Variants in TANC2 observed in about 807,000 individuals in gnomAD.
The protein encoded by TANC2 is tetratricopeptide repeat, ankyrin repeat and coiled-coil containing 2, also known as protein TANC2.
TANC2 carries 26 observed loss-of-function variants against 210.5 expected under a neutral mutation model. The observed-to-expected ratio is 0.12, with a 90% CI of 0.09 to 0.17. The LOEUF (loss-of-function observed/expected upper bound fraction) is 0.17. Among genes scored for constraint, TANC2 ranks in the 10% least tolerant of loss-of-function variants. The pLI is 1.00. For synonymous variants in TANC2, 931 were observed against 967.1 expected (o/e 0.96, Z 0.69); for missense variants, 2,129 against 2,608.9 (o/e 0.82, Z 4.01).
intron 14 of TANC2, among the ~76,000 whole-genome samples, chr17:63,363,740 C>T (rs2047031085): frequency 6.6e-6 from 1 of 152,150 alleles, no homozygotes; most frequent in Non-Finnish European, 1.5e-5. Context: ...TATACCAGTA[C>T]CATGCCGTTT....
At chr17:63,382,020 G>A (rs1390825968) in intron 15 of TANC2, among the ~76,000 whole-genome samples, 1 of 152,122 alleles carries the variant, frequency 6.6e-6, no homozygotes, top group East Asian at 1.9e-4. Flanking sequence ...GCTGGTAATG[G>A]GATCACACTT....
At chr17:63,368,841 A>T (rs1464781142) in intron 14 of TANC2, among the ~76,000 whole-genome samples, 1 of 152,246 alleles carries the variant, frequency 6.6e-6, no homozygotes, top group Non-Finnish European at 1.5e-5. Context: ...ATGTTGGTTG[A>T]CACTGGAAAA....
At chr17:63,389,675 G>A (rs2047901001) in intron 17 of TANC2, 131 bp downstream of exon 17, 12 of 903,058 alleles carry the variant, frequency 1.3e-5, no homozygotes, top group Non-Finnish European at 1.7e-5. Flanking sequence ...GGAGATCAGA[G>A]AGAGTGCTGG....
intron 5 of TANC2, among the ~76,000 whole-genome samples, chr17:63,193,633 T>G (rs2041254310): frequency 6.6e-6 from 1 of 152,190 alleles, no homozygotes; most frequent in African/African-American, 2.4e-5. Context: ...TCTGTGCTAC[T>G]GTGGATTGTT....
At chr17:63,360,791 A>G (rs1487021253) in intron 14 of TANC2, among the ~76,000 whole-genome samples, 2 of 151,818 alleles carry the variant, frequency 1.3e-5, no homozygotes, top group South Asian at 2.1e-4. Context: ...ACCCCTCCCC[A>G]GTCCTGACTA....
At chr17:63,056,367 A>G (rs1425691682) in intron 2 of TANC2, among the ~76,000 whole-genome samples, 1 of 151,884 alleles carries the variant, frequency 6.6e-6, no homozygotes, top group Non-Finnish European at 1.5e-5. Context: ...ACTGTAATGT[A>G]TTTCTGATTC....
chr17:63,265,083 T>TG (rs1216411679), intron 8 of TANC2, among the ~76,000 whole-genome samples: 1 of 152,214 alleles, frequency 6.6e-6, no homozygotes, highest in Non-Finnish European at 1.5e-5. Context: ...TTCTGAGCTC[T>TG]GTGTAGTCCT....
intron 4 of TANC2, among the ~76,000 whole-genome samples, chr17:63,147,799 T>C (rs1242950470): frequency 6.6e-6 from 1 of 152,226 alleles, no homozygotes; most frequent in African/African-American, 2.4e-5. Flanking sequence ...TATTGTATTT[T>C]CTTCAACATG....
rs573357288 is a variant in TANC2 at position 63,271,379 on chromosome 17, T to C, written c.1159+3506T>C. Among the ~76,000 whole-genome samples the C allele has an allele frequency of 2.0e-5, 3 of 152,178 alleles. No homozygotes were observed. The East Asian group carries it at 5.8e-4, about 29-fold the overall frequency. ...CCTTTCAGACTGTTATGAGACGGTA[T>C]CTCACTGTGCTTTTGATTTGCATTT... On this transcript the variant is annotated intron_variant, in intron 9 of 27. Coordinates refer to ENST00000689528, the Ensembl canonical transcript of TANC2.
intron 9 of TANC2, among the ~76,000 whole-genome samples, chr17:63,272,200 TA>T (rs2043731809): frequency 6.6e-6 from 1 of 152,182 alleles, no homozygotes; most frequent in Admixed American, 6.5e-5. Context: ...CAGCACCACT[TA>T]TTAAATAGGG....
intron 9 of TANC2, among the ~76,000 whole-genome samples, chr17:63,284,079 T>C (rs555051508): frequency 1.3e-5 from 2 of 152,172 alleles, no homozygotes; most frequent in Admixed American, 6.6e-5. Flanking sequence ...CCATTAGCTA[T>C]GTCAATATGT....
chr17:63,375,745 A>C (rs948962653), intron 14 of TANC2, among the ~76,000 whole-genome samples: 2 of 152,114 alleles, frequency 1.3e-5, no homozygotes, highest in African/African-American at 4.8e-5. Context: ...GGTCTGTTAA[A>C]ATAACTTACT....
chr17:63,411,926 G>T, intron 22 of TANC2, 72 bp from the exon 23 acceptor site: 1 of 1,579,478 alleles, frequency 6.3e-7, no homozygotes, highest in Non-Finnish European at 8.6e-7. Context: ...GCAGGCAGCA[G>T]CCAGAGCCCT....
chr17:63,184,598 A>G (rs1019111714), intron 5 of TANC2, among the ~76,000 whole-genome samples: 1 of 151,782 alleles, frequency 6.6e-6, no homozygotes, highest in South Asian at 2.1e-4. Context: ...GCCATCATCA[A>G]TTATTTGTTT....
chr17:62,972,906 G>C (rs1158112292), intron 1 of TANC2, among the ~76,000 whole-genome samples: 1 of 152,050 alleles, frequency 6.6e-6, no homozygotes, highest in Non-Finnish European at 1.5e-5. Context: ...CTGCTTCACA[G>C]CCATCATGCG....
In TANC2 at chr17:63,421,938, G is replaced by A. The variant is rs755143983; in HGVS notation, c.6208G>A (p.Val2070Met). The A allele has an allele frequency of 3.7e-6, 6 of 1,609,876 alleles. No homozygotes were observed. Among genetic ancestry groups the A allele is most frequent in the Admixed American group, 3.4e-5 (2 of 59,412 alleles). Residue 2070 changes from valine to methionine, a missense_variant, in exon 28 of 28, where the codon GTG becomes ATG. Transcript: ENST00000689528. The surrounding 1 kb of genome is among the most constrained non-coding windows in gnomAD (Gnocchi z 6.9). ...CCCTATCAAACCAAAGAGACCGTTC[G>A]TGGAGTCTAATGTTTAAAAGACGTT...
At chr17:63,323,040 T>C (rs2045545207) in intron 11 of TANC2, among the ~76,000 whole-genome samples, 1 of 152,246 alleles carries the variant, frequency 6.6e-6, no homozygotes. Context: ...TCCCAGTTAT[T>C]GTGCTACGTG....
chr17:63,423,496 CAAAG>C (rs2049073749), exon 28 of TANC2: 1 of 152,214 alleles, frequency 6.6e-6, no homozygotes, highest in African/African-American at 2.4e-5. Context: ...TGAAACGAAA[CAAAG>C]GAGCATTCGT....
At position 62,975,002 on chromosome 17, in the gene TANC2, A is replaced by G. The variant is rs190286794; in HGVS notation, c.-24+8253A>G. Among the ~76,000 whole-genome samples, 422 of 152,332 alleles carry G rather than the reference A, an allele frequency of 2.8e-3. 1 individual carries two copies. Among genetic ancestry groups the G allele is most frequent in the Non-Finnish European group, 4.6e-3 (316 of 68,022 alleles). On this transcript the variant is annotated intron_variant, in intron 1 of 27. Coordinates refer to ENST00000689528, the Ensembl canonical transcript of TANC2. The stretch of plus-strand genomic sequence containing the variant: ...GCATTATCATATGATGACGTAGCTG[A>G]TTATAAAGATTGACAACATTAAGAA...
Sources: gnomAD v4.1 joint callset for allele counts (sites outside exome capture counted in the v4.1 genomes callset) on GRCh38, gnomAD v4.1.1 for gene constraint, Gnocchi (gnomAD v3.1) non-coding constraint, MANE v1.5 for transcripts, NCBI Gene and HGNC (gene_info 2026-07-23, HGNC 2026-07-21) for gene names.